The following DYSF variants were observed in gnomAD, a reference collection of about 807,000 sequenced individuals.
The protein encoded by DYSF is dystrophy-associated fer-1-like 1.
DYSF carries 212 observed loss-of-function variants against 274.9 expected under a neutral mutation model. That is an observed-to-expected ratio of 0.77 (90% CI 0.69 to 0.86). The LOEUF is 0.86. Ranked by LOEUF, DYSF falls within the 40% of genes least tolerant of loss-of-function variation. DYSF has a pLI of 0.00. For synonymous variants in DYSF, 1,091 were observed against 1,078.7 expected, an observed-to-expected ratio of 1.01 and a Z score of -0.22; for missense variants, 2,666 against 2,783.2, an observed-to-expected ratio of 0.96 and a Z score of 0.95.
chr2:71,674,600 C>T (rs2095188668), intron 52 of DYSF, among the ~76,000 whole-genome samples: 1 of 152,246 alleles, frequency 6.6e-6, no homozygotes, highest in Non-Finnish European at 1.5e-5. Context: ...GTGTGTGCTG[C>T]CTGTCGCCAG....
intron 3 of DYSF, among the ~76,000 whole-genome samples, chr2:71,497,021 C>T (rs1272437793): frequency 6.6e-6 from 1 of 152,184 alleles, no homozygotes; most frequent in African/African-American, 2.4e-5. Context: ...AACACCTTCC[C>T]AAGTCCCAGT....
Position 71,592,027 on chromosome 2 carries a change from G to A in DYSF, c.3574+1739G>A, listed in dbSNP as rs114515457. Among the ~76,000 whole-genome samples the A allele has an allele frequency of 6.8e-3, 1,036 of 152,374 alleles. 11 individuals are homozygous for A. Among genetic ancestry groups the A allele is most frequent in the African/African-American group, 0.024 (984 of 41,586 alleles). ...TGGGAAACTTGTCCAGGAGTCTGAC[G>A]ATTAGAACTTACTCTGAGAAAAAGG... On this transcript the variant is annotated intron_variant, in intron 32 of 55. Transcript: ENST00000410020.
intron 33 of DYSF, among the ~76,000 whole-genome samples, chr2:71,599,051 A>T (rs533985603): frequency 1.7e-4 from 26 of 152,220 alleles, no homozygotes; most frequent in African/African-American, 6.3e-4. Flanking sequence ...CCTTCTTCTC[A>T]TCGAGGAGCT....
At chr2:71,497,988 C>T (rs35433310) in intron 3 of DYSF, among the ~76,000 whole-genome samples, 4,023 of 152,170 alleles carry the variant, frequency 0.026, 99 homozygotes, top group Non-Finnish European at 0.043. Context: ...GATTATCCTT[C>T]GCTTGTCTCC....
chr2:71,513,416 G>A lies in DYSF; in HGVS notation c.553+84G>A, dbSNP rs577027205. On this transcript the variant is annotated intron_variant, in intron 6 of 55. Coordinates refer to ENST00000410020, the MANE Select transcript of DYSF (RefSeq NM_001130987.2). ...CTGCCATGGTCAGCTTGCTGGAGCG[G>A]GGCCAGGTGGCAGAGGACTCCTCCT... is the stretch of plus-strand genomic sequence containing the variant. 2.8e-3 allele frequency: 4,000 copies of A among 1,434,414 alleles called. 11 individuals are homozygous for A. Among genetic ancestry groups the A allele is most frequent in the Non-Finnish European group, 3.6e-3 (3,789 of 1,050,446 alleles). 88.9% of individuals were successfully genotyped at this position (1,434,414 alleles called of 1,614,324 possible). A position where few individuals can be genotyped will look rare whatever the true frequency, so the allele number is the denominator to read the frequency against.
intron 41 of DYSF, among the ~76,000 whole-genome samples, chr2:71,641,239 C>T (rs1021007404): frequency 7.5e-5 from 10 of 133,846 alleles, no homozygotes; most frequent in Admixed American, 2.5e-4. Context: ...AGTGCAGTGG[C>T]GCAATCTCGG....
At chr2:71,610,162 T>C (rs1361009278) in intron 36 of DYSF, among the ~76,000 whole-genome samples, 1 of 152,190 alleles carries the variant, frequency 6.6e-6, no homozygotes, top group Non-Finnish European at 1.5e-5. Flanking sequence ...TCTAATAAAC[T>C]CAGAAAATAT....
At chr2:71,500,748 T>C (rs7557051) in intron 3 of DYSF, among the ~76,000 whole-genome samples, 7,029 of 152,068 alleles carry the variant, frequency 0.046, 234 homozygotes, top group South Asian at 0.082. Flanking sequence ...CCAGCTGCCA[T>C]GTACAGCTCT....
chr2:71,653,300 T>C (rs966753444), intron 42 of DYSF, among the ~76,000 whole-genome samples: 5 of 152,148 alleles, frequency 3.3e-5, no homozygotes, highest in Admixed American at 2.0e-4. Flanking sequence ...CCCAGCCATC[T>C]CATTACTGGG....
chr2:71,665,122 C>T, intron 46 of DYSF, 40 bp from the exon 47 acceptor site: 1 of 1,611,928 alleles, frequency 6.2e-7, no homozygotes, highest in East Asian at 2.2e-5. Flanking sequence ...TCATGAGTGT[C>T]CTTGAAGCAT....
intron 36 of DYSF, chr2:71,610,727 G>A (rs2093738350): frequency 9.4e-6 from 2 of 213,814 alleles, no homozygotes; most frequent in Non-Finnish European, 1.9e-5. Context: ...GGCGTGAGAG[G>A]TGGGGGTTTG....
chr2:71,486,302 A>C (rs1278686364), intron 3 of DYSF, among the ~76,000 whole-genome samples: 39 of 129,868 alleles, frequency 3.0e-4, no homozygotes, highest in South Asian at 8.3e-4. Context: ...CCCCACCTCC[A>C]CCCTCTGGCT....
At chr2:71,655,529 C>A (rs2094751860) in intron 42 of DYSF, among the ~76,000 whole-genome samples, 1 of 152,226 alleles carries the variant, frequency 6.6e-6, no homozygotes, top group African/African-American at 2.4e-5. Context: ...CTAAGCAATT[C>A]TAAAGCACTG....
chr2:71,661,116 C>CAAAAAAAAAAAA (rs55761719), intron 45 of DYSF, among the ~76,000 whole-genome samples: 2 of 85,926 alleles, frequency 2.3e-5, no homozygotes, highest in Non-Finnish European at 4.6e-5. Context: ...AACCCTGTCT[C>CAAAAAAAAAAAA]AAAAAAAAAA....
At chr2:71,465,330 G>A (rs2081462285), upstream of DYSF, among the ~76,000 whole-genome samples, 1 of 152,174 alleles carries the variant, frequency 6.6e-6, no homozygotes, top group African/African-American at 2.4e-5. Flanking sequence ...GGGCACAGAT[G>A]CCGAGGGCGG....
At chr2:71,660,693 C>A in intron 45 of DYSF, 42 bp downstream of exon 45, 1 of 1,536,670 alleles carries the variant, frequency 6.5e-7, no homozygotes, top group Non-Finnish European at 9.0e-7. Context: ...AGGAGCCAGA[C>A]AGGATAACCC....
rs775715891 is a variant in DYSF at position 71,612,821 on chromosome 2, G to A, written c.4387+15G>A. ...GGGTGGCCCAGGTAGGGGAAGGGGA[G>A]ATGATGGGCAGGTCAGGGAAGGGGG... On this transcript the variant is annotated intron_variant, in intron 39 of 55. Transcript: ENST00000410020. 1 of 1,604,864 alleles carries A rather than the reference G, an allele frequency of 6.2e-7. No individual in the cohort carries two copies. Among genetic ancestry groups the A allele is most frequent in the Admixed American group, 1.7e-5 (1 of 59,792 alleles).
chr2:71,536,653 T>C (rs1321157652), intron 16 of DYSF, among the ~76,000 whole-genome samples: 1 of 152,250 alleles, frequency 6.6e-6, no homozygotes, highest in Non-Finnish European at 1.5e-5. Context: ...ATCGGCGTAC[T>C]GTACAATCCA....
At chr2:71,575,496 G>A (rs1454753360) in intron 30 of DYSF, among the ~76,000 whole-genome samples, 1 of 152,122 alleles carries the variant, frequency 6.6e-6, no homozygotes, top group Non-Finnish European at 1.5e-5. Context: ...GGCCAGGGTC[G>A]GGCAGGATAG....
Sources: allele counts gnomAD v4.1 joint callset (sites outside exome capture counted in the v4.1 genomes callset), GRCh38; gene constraint gnomAD v4.1.1; transcripts MANE v1.5; gene names NCBI Gene and HGNC (gene_info 2026-07-23, HGNC 2026-07-21).